The following ERC1 variants were observed in gnomAD, a reference collection of about 807,000 sequenced individuals.
The protein encoded by ERC1 is ELKS/RAB6-interacting/CAST family member 1.
A neutral mutation model predicts 132.0 loss-of-function variants in ERC1; 56 were observed. The observed-to-expected ratio is 0.42, with a 90% CI of 0.34 to 0.53. The LOEUF (loss-of-function observed/expected upper bound fraction) is 0.53. ERC1 is among the 20% of genes least tolerant of loss of function. The pLI, the probability that ERC1 is intolerant of heterozygous loss-of-function variation, is 0.03. For missense variants in ERC1, 1,202 were observed against 1,349.9 expected, an observed-to-expected ratio of 0.89 and a Z score of 1.72; for synonymous variants, 478 against 476.1, an observed-to-expected ratio of 1.00 and a Z score of -0.05.
At chr12:1,109,202 C>G (rs1945581043) in intron 4 of ERC1, among the ~76,000 whole-genome samples, 1 of 152,102 alleles carries the variant, frequency 6.6e-6, no homozygotes, top group Non-Finnish European at 1.5e-5. Context: ...CAAACAAAAT[C>G]AAGAGATCGA....
At chr12:1,064,986 G>C (rs562743314) in intron 2 of ERC1, among the ~76,000 whole-genome samples, 1 of 151,742 alleles carries the variant, frequency 6.6e-6, no homozygotes, top group African/African-American at 2.4e-5. Context: ...TTTTTCTTCT[G>C]AGTTTTTTCT....
chr12:1,296,861 A>G (rs1016398845), intron 15 of ERC1, among the ~76,000 whole-genome samples: 3 of 152,230 alleles, frequency 2.0e-5, no homozygotes, highest in East Asian at 1.9e-4. Context: ...CAAATGGGTT[A>G]ACATACATGT....
intron 2 of ERC1, among the ~76,000 whole-genome samples, chr12:1,079,982 A>G (rs1323521397): frequency 6.6e-6 from 1 of 152,256 alleles, no homozygotes; most frequent in Non-Finnish European, 1.5e-5. Flanking sequence ...CAGCAATTCC[A>G]TCTTTGAGAG....
chr12:1,058,178 T>A (rs1973353250), intron 2 of ERC1, among the ~76,000 whole-genome samples: 1 of 152,214 alleles, frequency 6.6e-6, no homozygotes, highest in Non-Finnish European at 1.5e-5. Context: ...GTGCAGAAGC[T>A]TTTTAAGTTT....
intron 1 of ERC1, among the ~76,000 whole-genome samples, chr12:1,007,488 C>G (rs1735576489): frequency 7.0e-6 from 1 of 142,142 alleles, no homozygotes; most frequent in Non-Finnish European, 1.5e-5. Flanking sequence ...CTCTCTCTCT[C>G]TCTCTTTCTC....
At chr12:1,485,199 TTC>T (rs1178302020) in intron 18 of ERC1, among the ~76,000 whole-genome samples, 171 of 134,656 alleles carry the variant, frequency 1.3e-3, no homozygotes, top group African/African-American at 4.7e-3. Flanking sequence ...AAGTTTATAT[TTC>T]TTTTTTTTTT....
At chr12:1,145,492 A>G (rs1465728978) in intron 8 of ERC1, among the ~76,000 whole-genome samples, 1 of 152,078 alleles carries the variant, frequency 6.6e-6, no homozygotes, top group African/African-American at 2.4e-5. Context: ...TGTCAGTTGC[A>G]TAGTTTGTGA....
intron 13 of ERC1, among the ~76,000 whole-genome samples, chr12:1,238,286 A>G (rs533905452): frequency 6.6e-6 from 1 of 151,730 alleles, no homozygotes; most frequent in South Asian, 2.1e-4. Context: ...TTTGCTTGTT[A>G]ATGTAATTTA....
intron 13 of ERC1, among the ~76,000 whole-genome samples, chr12:1,246,356 A>G (rs930436316): frequency 6.6e-6 from 1 of 152,228 alleles, no homozygotes; most frequent in Non-Finnish European, 1.5e-5. Flanking sequence ...ATAGTATTTT[A>G]ATCGTGAATG....
intron 16 of ERC1, among the ~76,000 whole-genome samples, chr12:1,372,562 T>C (rs2087368992): frequency 6.6e-6 from 1 of 152,244 alleles, no homozygotes; most frequent in East Asian, 1.9e-4. Flanking sequence ...ATCGTTAAAA[T>C]GGTAACTTTT....
chr12:1,058,425 T>A (rs1973403908), intron 2 of ERC1, among the ~76,000 whole-genome samples: 1 of 152,236 alleles, frequency 6.6e-6, no homozygotes, highest in Non-Finnish European at 1.5e-5. Context: ...TATCCAGTTT[T>A]CCCAGTACTA....
At chr12:1,162,620 T>C (rs554359157) in intron 8 of ERC1, among the ~76,000 whole-genome samples, 4 of 152,132 alleles carry the variant, frequency 2.6e-5, no homozygotes, top group Non-Finnish European at 5.9e-5. Context: ...TGTTAGTTTG[T>C]TCACTTTTTC....
intron 15 of ERC1, among the ~76,000 whole-genome samples, chr12:1,352,259 G>T (rs12302801): frequency 6.6e-6 from 1 of 152,144 alleles, no homozygotes; most frequent in Admixed American, 6.5e-5. Flanking sequence ...TTCCTTGTGA[G>T]CCGTGTCACA....
chr12:1,459,877 A>G (rs1280928403), intron 18 of ERC1, among the ~76,000 whole-genome samples: 4 of 152,242 alleles, frequency 2.6e-5, no homozygotes, highest in African/African-American at 7.2e-5. Flanking sequence ...CTCTTGCCAA[A>G]CAATCACCTG....
At position 1,147,554 on chromosome 12, in the gene ERC1, A is replaced by T. The variant is rs1251695420; in HGVS notation, c.1737+5767A>T. Among the ~76,000 whole-genome samples, 2 of 152,218 alleles carry T rather than the reference A, an allele frequency of 1.3e-5. 1 individual carries two copies. Among genetic ancestry groups the T allele is most frequent in the African/African-American group, 4.8e-5 (2 of 41,454 alleles). On this transcript the variant is annotated intron_variant, in intron 8 of 18. Coordinates refer to ENST00000360905, the MANE Select transcript of ERC1 (RefSeq NM_178040.4). ...TATTAGGCACAATAACATGTTGGTAAGAAATATGACCAGACAACTTTTAGT... is the reference window on the plus strand; with the variant it reads ...TATTAGGCACAATAACATGTTGGTATGAAATATGACCAGACAACTTTTAGT...
chr12:1,053,199 T>G (rs1972342905), intron 2 of ERC1, among the ~76,000 whole-genome samples: 1 of 152,238 alleles, frequency 6.6e-6, no homozygotes. Flanking sequence ...GTTTCCCCTA[T>G]GCTTGATATA....
rs148968158 is a variant in ERC1 at position 1,418,966 on chromosome 12, C to T, written c.3024+10719C>T. Among the ~76,000 whole-genome samples the T allele has an allele frequency of 1.5e-3, 230 of 152,110 alleles. 4 individuals carry two copies. The highest frequency in any genetic ancestry group is 4.9e-3 in the African/African-American group (204 of 41,510). On this transcript the variant is annotated intron_variant, in intron 17 of 18. Coordinates refer to ENST00000360905, the MANE Select transcript of ERC1 (RefSeq NM_178040.4). ...TGGGTTCAAGCAATCCTCCCACCTA[C>T]GCCTCCCAAAGTTCTGTGATTACAG...
intron 12 of ERC1, among the ~76,000 whole-genome samples, chr12:1,192,553 CGTCTGT>C (rs1211896680): frequency 6.6e-6 from 1 of 152,022 alleles, no homozygotes; most frequent in African/African-American, 2.4e-5. Context: ...GGGTTTTTGG[CGTCTGT>C]GTGTTTATAT....
intron 18 of ERC1, among the ~76,000 whole-genome samples, chr12:1,487,699 T>G (rs4444138): frequency 2.2e-5 from 3 of 138,956 alleles, no homozygotes; most frequent in Middle Eastern, 3.4e-3. Flanking sequence ...CCCCAGACAA[T>G]AGAGGGAGAC....
Sources: allele counts gnomAD v4.1 joint callset (sites outside exome capture counted in the v4.1 genomes callset), GRCh38; gene constraint gnomAD v4.1.1; transcripts MANE v1.5; gene names NCBI Gene and HGNC (gene_info 2026-07-23, HGNC 2026-07-21).